Variants in RAVER2 observed in about 807,000 individuals in gnomAD.
RAVER2 encodes ribonucleoprotein PTB-binding 2.
In RAVER2, 46 loss-of-function variants were observed where a neutral mutation model predicts 78.1. The observed-to-expected ratio is 0.59, with a 90% CI of 0.46 to 0.75. RAVER2 has a LOEUF of 0.75. RAVER2 is among the 30% of genes least tolerant of loss of function. The probability of loss-of-function intolerance (pLI) is 0.00; values close to 1 mark genes in which losing one functional copy is unlikely to be tolerated. For synonymous variants in RAVER2, 311 were observed against 313.3 expected (o/e 0.99, Z 0.08); for missense variants, 793 against 837.5 (o/e 0.95, Z 0.66).
intron 6 of RAVER2, among the ~76,000 whole-genome samples, chr1:64,804,036 C>T (rs904767940): frequency 6.6e-6 from 1 of 152,088 alleles, no homozygotes; most frequent in African/African-American, 2.4e-5. Context: ...GATCGCTGTC[C>T]CACTACAACA....
intron 1 of RAVER2, among the ~76,000 whole-genome samples, chr1:64,766,031 TTGAC>T (rs1442571968): frequency 2.0e-5 from 3 of 152,158 alleles, no homozygotes; most frequent in South Asian, 2.1e-4. Flanking sequence ...GATGACGTCA[TTGAC>T]TGACTGCTTT....
At chr1:64,804,179 T>A (rs938656380) in intron 6 of RAVER2, among the ~76,000 whole-genome samples, 4 of 152,182 alleles carry the variant, frequency 2.6e-5, no homozygotes, top group Non-Finnish European at 5.9e-5. Context: ...AGCCTTCAGA[T>A]TGCAGTACAA....
At chr1:64,831,151 A>G (rs1045852666) in exon 12 of RAVER2, 5 of 602,154 alleles carry the variant, frequency 8.3e-6, no homozygotes, top group Admixed American at 6.9e-5. Flanking sequence ...AAAAATAGCA[A>G]TAAGAAGAGA....
chr1:64,830,209 C>G (rs1337449092), intron 11 of RAVER2, among the ~76,000 whole-genome samples: 1 of 152,192 alleles, frequency 6.6e-6, no homozygotes, highest in African/African-American at 2.4e-5. Context: ...CTGTGCTGAT[C>G]ACTGTGACCA....
chr1:64,793,663 A>G (rs935882994), intron 5 of RAVER2, among the ~76,000 whole-genome samples: 3 of 152,180 alleles, frequency 2.0e-5, no homozygotes, highest in Admixed American at 2.0e-4. Flanking sequence ...CATTACCACA[A>G]TCAAATAATA....
chr1:64,754,545 G>A (rs915297727), intron 1 of RAVER2, among the ~76,000 whole-genome samples: 3 of 152,110 alleles, frequency 2.0e-5, no homozygotes, highest in African/African-American at 7.2e-5. Flanking sequence ...TAGCTTTTTT[G>A]GCAGGGAACT....
chr1:64,761,948 CA>C (rs35443570), intron 1 of RAVER2, among the ~76,000 whole-genome samples: 307 of 137,744 alleles, frequency 2.2e-3, no homozygotes, highest in Admixed American at 2.7e-3. Context: ...CTGTCTCTAC[CA>C]AAAAAAAAAA....
chr1:64,769,311 G>C (rs1652254434), intron 2 of RAVER2, among the ~76,000 whole-genome samples: 2 of 151,370 alleles, frequency 1.3e-5, no homozygotes, highest in South Asian at 4.2e-4. Context: ...AATTTCTTCA[G>C]ATTCAAAAAA....
chr1:64,805,641 C>T (rs1653397516), intron 8 of RAVER2, among the ~76,000 whole-genome samples: 1 of 152,068 alleles, frequency 6.6e-6, no homozygotes, highest in Non-Finnish European at 1.5e-5. Flanking sequence ...ACTAAGACTT[C>T]TTATTTGAAT....
intron 6 of RAVER2, among the ~76,000 whole-genome samples, chr1:64,803,458 A>G (rs1653326167): frequency 6.6e-6 from 1 of 152,194 alleles, no homozygotes; most frequent in African/African-American, 2.4e-5. Flanking sequence ...AAAATAACTC[A>G]TGTATATGAG....
chr1:64,796,398 G>A (rs998383953), intron 5 of RAVER2, among the ~76,000 whole-genome samples: 2 of 151,998 alleles, frequency 1.3e-5, no homozygotes, highest in Non-Finnish European at 2.9e-5. Context: ...GAAATCAGCT[G>A]TGTCAAATTT....
chr1:64,794,456 A>G (rs562382430), intron 5 of RAVER2, among the ~76,000 whole-genome samples: 162 of 150,746 alleles, frequency 1.1e-3, no homozygotes, highest in Non-Finnish European at 2.1e-3. Context: ...GCCATTTTAC[A>G]TACTCACCAT....
rs137976822 is a variant in RAVER2 at position 64,793,974 on chromosome 1, C to T, written c.1105+4460C>T. On this transcript the variant is annotated intron_variant, in intron 5 of 11. Transcript: ENST00000294428. ...ATGGGCATCTGGATTATTTCCAGTT[C>T]GAGGTCATTACAAATAAAATCTCTA... Among the ~76,000 whole-genome samples, 1,406 of 152,122 alleles carry T rather than the reference C, an allele frequency of 9.2e-3. 27 individuals carry two copies. Among genetic ancestry groups the T allele is most frequent in the African/African-American group, 0.032 (1,346 of 41,512 alleles).
intron 1 of RAVER2, among the ~76,000 whole-genome samples, chr1:64,756,536 G>A (rs1474687360): frequency 6.6e-6 from 1 of 152,022 alleles, no homozygotes; most frequent in South Asian, 2.1e-4. Flanking sequence ...TTATTTTGGG[G>A]TGATTTTAGA....
chr1:64,784,880 G>A (rs1287230789), intron 4 of RAVER2, among the ~76,000 whole-genome samples: 4 of 152,118 alleles, frequency 2.6e-5, no homozygotes, highest in African/African-American at 9.7e-5. Flanking sequence ...TTGGGACCTT[G>A]TCAGCATCTT....
chr1:64,786,611 C>T (rs6661826), intron 4 of RAVER2, among the ~76,000 whole-genome samples: 138 of 151,706 alleles, frequency 9.1e-4, no homozygotes, highest in Admixed American at 1.8e-3. Context: ...GCCAACATGG[C>T]GAAACCCGGT....
At chr1:64,823,962 A>G (rs1653946095) in intron 11 of RAVER2, among the ~76,000 whole-genome samples, 1 of 152,004 alleles carries the variant, frequency 6.6e-6, no homozygotes, top group Non-Finnish European at 1.5e-5. Flanking sequence ...ACCCACCACC[A>G]TGCCCAGCTA....
At chr1:64,757,922 T>C (rs1442614951) in intron 1 of RAVER2, among the ~76,000 whole-genome samples, 1 of 152,168 alleles carries the variant, frequency 6.6e-6, no homozygotes, top group Non-Finnish European at 1.5e-5. Flanking sequence ...TATCCTTATT[T>C]TATTTACTTA....
chr1:64,773,079 T>G (rs767263333), intron 2 of RAVER2, among the ~76,000 whole-genome samples: 8 of 152,150 alleles, frequency 5.3e-5, no homozygotes, highest in Non-Finnish European at 8.8e-5. Context: ...TGAGGATTCC[T>G]TTTATATGGG....
Sources: allele counts gnomAD v4.1 joint callset (sites outside exome capture counted in the v4.1 genomes callset), GRCh38; gene constraint gnomAD v4.1.1; transcripts MANE v1.5; gene names NCBI Gene and HGNC (gene_info 2026-07-23, HGNC 2026-07-21).